NOL4: variants seen among roughly 807,000 people sequenced by gnomAD.
NOL4 encodes the protein cancer/testis antigen 125.
Under a neutral mutation model 75.9 loss-of-function variants are expected in NOL4, and 17 were observed. The observed-to-expected ratio is 0.22, with a 90% CI of 0.15 to 0.34. NOL4 has a LOEUF of 0.34. Among genes scored for constraint, NOL4 ranks in the 10% least tolerant of loss-of-function variants. The pLI, the probability that NOL4 is intolerant of heterozygous loss-of-function variation, is 1.00. For synonymous variants in NOL4, 292 were observed against 289.9 expected (o/e 1.01, Z -0.07); for missense variants, 614 against 793.5 (o/e 0.77, Z 2.72).
At chr18:33,924,478 C>T (rs1431520741) in intron 9 of NOL4, among the ~76,000 whole-genome samples, 3 of 152,160 alleles carry the variant, frequency 2.0e-5, no homozygotes, top group African/African-American at 7.2e-5. Flanking sequence ...CAGGCACCAG[C>T]ATTCCTATCG....
intron 1 of NOL4, among the ~76,000 whole-genome samples, chr18:34,140,674 T>C (rs1236152449): frequency 6.6e-6 from 1 of 152,064 alleles, no homozygotes; most frequent in Non-Finnish European, 1.5e-5. Flanking sequence ...ATTTAGCCCA[T>C]TTACATTTAA....
intron 1 of NOL4, among the ~76,000 whole-genome samples, chr18:34,213,339 G>C (rs573779960): frequency 2.6e-5 from 4 of 152,176 alleles, no homozygotes; most frequent in Admixed American, 6.5e-5. Flanking sequence ...ACCCAGGCTG[G>C]AGTGCAGTGG....
chr18:33,985,956 TA>T, intron 6 of NOL4, among the ~76,000 whole-genome samples: 1 of 152,216 alleles, frequency 6.6e-6, no homozygotes, highest in East Asian at 1.9e-4. Flanking sequence ...TGTAGATGAA[TA>T]AATAATCACT....
intron 4 of NOL4, among the ~76,000 whole-genome samples, chr18:34,095,025 T>C (rs1478298937): frequency 6.6e-6 from 1 of 152,118 alleles, no homozygotes; most frequent in Non-Finnish European, 1.5e-5. Flanking sequence ...ACTAATAAAT[T>C]GGCATTCTGA....
At chr18:34,001,470 A>G (rs1164464393) in intron 6 of NOL4, among the ~76,000 whole-genome samples, 9 of 152,142 alleles carry the variant, frequency 5.9e-5, no homozygotes, top group African/African-American at 2.2e-4. Flanking sequence ...AAATTGTGCT[A>G]AATATTAATG....
At chr18:34,011,074 A>G (rs2074344318) in intron 6 of NOL4, among the ~76,000 whole-genome samples, 1 of 151,708 alleles carries the variant, frequency 6.6e-6, no homozygotes, top group Admixed American at 6.6e-5. Flanking sequence ...TTTTAAAATA[A>G]CTAAAATAGT....
chr18:33,887,124 TTATATCTAGATATATC>T (rs1460703034), intron 9 of NOL4, among the ~76,000 whole-genome samples: 2 of 139,458 alleles, frequency 1.4e-5, no homozygotes, highest in Non-Finnish European at 3.0e-5. Flanking sequence ...TCTATATATA[TTATATCTAGATATATC>T]TATATCTAGA....
Position 33,853,854 on chromosome 18 carries a change from T to C in NOL4, c.1724-819A>G, listed in dbSNP as rs189141818. Among the ~76,000 whole-genome samples the C allele has an allele frequency of 3.5e-3, 540 of 152,250 alleles. 2 individuals are homozygous for C. The highest frequency in any genetic ancestry group is 4.8e-3 in the Non-Finnish European group (329 of 67,996). Reference sequence around the variant, plus strand: ...TATTTAAGCCATCTGGTGGGTATGCTTTTTGACAACATTTTGTAAATTTTT... The same window carrying C: ...TATTTAAGCCATCTGGTGGGTATGCCTTTTGACAACATTTTGTAAATTTTT... On this transcript the variant is annotated intron_variant, in intron 10 of 10. Coordinates refer to ENST00000261592, the MANE Select transcript of NOL4 (RefSeq NM_003787.5).
At chr18:34,056,895 A>G (rs1600422970) in intron 5 of NOL4, among the ~76,000 whole-genome samples, 1 of 152,172 alleles carries the variant, frequency 6.6e-6, no homozygotes, top group Non-Finnish European at 1.5e-5. Context: ...CATCTTGCCA[A>G]CATCACTTTC....
intron 9 of NOL4, among the ~76,000 whole-genome samples, chr18:33,913,800 C>G (rs1431919167): frequency 6.6e-6 from 1 of 152,028 alleles, no homozygotes. Flanking sequence ...ATGAGACACA[C>G]AATAAACTAA....
chr18:34,034,080 C>T (rs543210836), intron 5 of NOL4, among the ~76,000 whole-genome samples: 1 of 152,170 alleles, frequency 6.6e-6, no homozygotes, highest in South Asian at 2.1e-4. Flanking sequence ...ACAGCATTTA[C>T]CATCATGAAA....
intron 2 of NOL4, among the ~76,000 whole-genome samples, chr18:34,120,937 A>C (rs2080112876): frequency 1.3e-5 from 2 of 152,160 alleles, no homozygotes; most frequent in African/African-American, 4.8e-5. Context: ...GTTTATGTTA[A>C]ATTATAATTA....
chr18:33,922,166 T>C (rs1334903177), intron 9 of NOL4, among the ~76,000 whole-genome samples: 2 of 152,182 alleles, frequency 1.3e-5, no homozygotes, highest in African/African-American at 4.8e-5. Context: ...CAATCAACCA[T>C]ATGTAAACTT....
chr18:33,884,504 G>A (rs2064516627), intron 9 of NOL4, among the ~76,000 whole-genome samples: 1 of 151,978 alleles, frequency 6.6e-6, no homozygotes, highest in Non-Finnish European at 1.5e-5. Flanking sequence ...GCAATAAACT[G>A]TATATATTTT....
chr18:33,863,295 T>A (rs1306928442), intron 10 of NOL4, among the ~76,000 whole-genome samples: 8 of 152,016 alleles, frequency 5.3e-5, no homozygotes, highest in Admixed American at 5.2e-4. Flanking sequence ...GGGGGAGGGA[T>A]AGCATTGGGA....
chr18:34,035,701 T>C (rs1403161214), intron 5 of NOL4, among the ~76,000 whole-genome samples: 4 of 151,704 alleles, frequency 2.6e-5, no homozygotes, highest in Admixed American at 2.6e-4. Context: ...AAGGTAGTTC[T>C]TAAAAAATAA....
intron 1 of NOL4, among the ~76,000 whole-genome samples, chr18:34,148,404 G>C (rs2081501162): frequency 6.6e-6 from 1 of 151,880 alleles, no homozygotes; most frequent in East Asian, 1.9e-4. Flanking sequence ...AGAGATTCTG[G>C]GACATTGTGT....
chr18:34,159,531 A>G (rs2031095422), intron 1 of NOL4, among the ~76,000 whole-genome samples: 1 of 151,938 alleles, frequency 6.6e-6, no homozygotes. Flanking sequence ...AGGGCCTGGG[A>G]GGCACGGTCA....
At chr18:34,109,592 C>G (rs1180556965) in intron 2 of NOL4, among the ~76,000 whole-genome samples, 4 of 151,546 alleles carry the variant, frequency 2.6e-5, no homozygotes, top group Non-Finnish European at 5.9e-5. Context: ...AATAACCTAG[C>G]TTTATATCTC....
Sources: allele counts gnomAD v4.1 joint callset (sites outside exome capture counted in the v4.1 genomes callset), GRCh38; gene constraint gnomAD v4.1.1; transcripts MANE v1.5; gene names NCBI Gene and HGNC (gene_info 2026-07-23, HGNC 2026-07-21).